CACNA1A: variants seen among roughly 807,000 people sequenced by gnomAD.
CACNA1A encodes the protein voltage-dependent P/Q-type calcium channel subunit alpha-1A.
In CACNA1A, 57 loss-of-function variants were observed where a neutral mutation model predicts 262.4. That is an observed-to-expected ratio of 0.22 (90% confidence interval 0.18 to 0.27). The LOEUF (loss-of-function observed/expected upper bound fraction) is 0.27, where lower values mean the gene tolerates loss of function less well. CACNA1A is among the 10% of genes least tolerant of loss of function. The probability of loss-of-function intolerance (pLI) is 1.00; values close to 1 mark genes in which losing one functional copy is unlikely to be tolerated. For missense variants in CACNA1A, 2,526 were observed against 3,562.8 expected (o/e 0.71, Z 7.41); for synonymous variants, 1,431 against 1,419.3 (o/e 1.01, Z -0.18).
chr19:13,360,263 G>GTATATATATATATATATA (rs1194785047), intron 5 of CACNA1A, among the ~76,000 whole-genome samples: 1 of 66,272 alleles, frequency 1.5e-5, no homozygotes, highest in Non-Finnish European at 2.5e-5. Context: ...GTGTGTGTGT[G>GTATATATATATATATATA]TGTATATATA....
chr19:13,217,068 G>A (rs1433732558), intron 38 of CACNA1A, among the ~76,000 whole-genome samples: 1 of 152,174 alleles, frequency 6.6e-6, no homozygotes, highest in Non-Finnish European at 1.5e-5. Context: ...GGGAGGTGGA[G>A]GCTGCAGTGG....
rs16031 is a variant in CACNA1A at position 13,262,663 on chromosome 19, A to G, written c.4089+71T>C. The G allele has an allele frequency of 0.57, 514,969 of 902,198 alleles. 153,607 individuals are homozygous for G. The highest frequency in any genetic ancestry group is 0.64 in the Non-Finnish European group (352,668 of 550,256). 55.9% of individuals were successfully genotyped at this position (902,198 alleles called of 1,614,324 possible). ...TTAATGTGTTGTCCTTGAGCAGTGT[A>G]CAACCTGCTCAGCTGTACATGATAA... is the stretch of plus-strand genomic sequence containing the variant. On this transcript the variant is annotated intron_variant, in intron 25 of 46. Transcript: ENST00000360228.
At chr19:13,413,895 A>AAAAGAAAGAAAT (rs1555783334) in intron 3 of CACNA1A, among the ~76,000 whole-genome samples, 8 of 119,138 alleles carry the variant, frequency 6.7e-5, no homozygotes, top group Non-Finnish European at 1.3e-4. Flanking sequence ...GAAAGAAAGA[A>AAAAGAAAGAAAT]AAAGAAAGAA....
rs2057235540 is a variant in CACNA1A at position 13,279,561 on chromosome 19, C to T, written c.3823-2433G>A. 5.9e-5 allele frequency among the ~76,000 whole-genome samples: 9 copies of T among 152,132 alleles called. No homozygotes were observed. The South Asian group carries it at 1.7e-3, about 28-fold the overall frequency. ...AGTGCAGTGGCACAATCTTGGCTCA[C>T]TGGAACCTCTGCCTCCCGGGTTCAA... On this transcript the variant is annotated intron_variant, in intron 22 of 46. Coordinates refer to ENST00000360228, the MANE Select transcript of CACNA1A (RefSeq NM_001127222.2).
intron 3 of CACNA1A, among the ~76,000 whole-genome samples, chr19:13,380,789 ATTTT>A (rs983599371): frequency 7.8e-6 from 1 of 127,566 alleles, no homozygotes; most frequent in African/African-American, 3.0e-5. Flanking sequence ...TTATTTATTT[ATTTT>A]GAGACAGGGT....
At chr19:13,401,452 G>A (rs1309295203) in intron 3 of CACNA1A, among the ~76,000 whole-genome samples, 1 of 152,206 alleles carries the variant, frequency 6.6e-6, no homozygotes, top group Non-Finnish European at 1.5e-5. Context: ...TGAGGCATGA[G>A]TGGGAGGTAG....
At chr19:13,358,276 A>G (rs2059042184) in intron 6 of CACNA1A, among the ~76,000 whole-genome samples, 1 of 151,870 alleles carries the variant, frequency 6.6e-6, no homozygotes, top group African/African-American at 2.4e-5. Context: ...GTGCAAAAGA[A>G]TAAAGAAGGC....
At chr19:13,296,448 C>T (rs1246167649) in intron 19 of CACNA1A, among the ~76,000 whole-genome samples, 1 of 152,216 alleles carries the variant, frequency 6.6e-6, no homozygotes, top group East Asian at 1.9e-4. Context: ...TGCAGAATCA[C>T]TATAGCATCT....
At chr19:13,280,101 T>C (rs771647503) in intron 22 of CACNA1A, among the ~76,000 whole-genome samples, 1 of 152,150 alleles carries the variant, frequency 6.6e-6, no homozygotes, top group Non-Finnish European at 1.5e-5. Context: ...CCAATAAACA[T>C]TCAAGCTGCA....
intron 2 of CACNA1A, among the ~76,000 whole-genome samples, chr19:13,453,578 G>A (rs2060954438): frequency 6.6e-6 from 1 of 152,208 alleles, no homozygotes; most frequent in African/African-American, 2.4e-5. Flanking sequence ...CAGCTGGCAT[G>A]TAGATTGTTA....
intron 3 of CACNA1A, among the ~76,000 whole-genome samples, chr19:13,414,419 A>G (rs993778698): frequency 3.9e-5 from 6 of 152,146 alleles, no homozygotes; most frequent in African/African-American, 1.4e-4. Context: ...GCAGGCAGAT[A>G]GCAGCGAAGG....
chr19:13,320,958 T>G (rs916285857), intron 10 of CACNA1A, among the ~76,000 whole-genome samples: 1 of 152,152 alleles, frequency 6.6e-6, no homozygotes, highest in Non-Finnish European at 1.5e-5. Flanking sequence ...ACATCCTAGT[T>G]CAGGGTCAGC....
chr19:13,351,788 G>A (rs1353875175), intron 6 of CACNA1A, among the ~76,000 whole-genome samples: 5 of 152,014 alleles, frequency 3.3e-5, no homozygotes, highest in South Asian at 2.1e-4. Context: ...GATTACAGGC[G>A]TGAGCCACCG....
chr19:13,295,242 T>C (rs1476154989), intron 19 of CACNA1A, among the ~76,000 whole-genome samples: 1 of 152,184 alleles, frequency 6.6e-6, no homozygotes, highest in Non-Finnish European at 1.5e-5. Flanking sequence ...CCTAGAACAA[T>C]GGTTTTCAGA....
intron 3 of CACNA1A, among the ~76,000 whole-genome samples, chr19:13,435,136 T>G (rs965024092): frequency 6.8e-6 from 1 of 146,818 alleles, no homozygotes; most frequent in Non-Finnish European, 1.5e-5. Context: ...TTTTTTGAGA[T>G]GGAGTCTCAC....
In CACNA1A at chr19:13,325,365, C is replaced by T. The variant is rs958653231; in HGVS notation, c.1345+4879G>A. Among the ~76,000 whole-genome samples the T allele has an allele frequency of 1.3e-5, 2 of 152,064 alleles. 1 individual carries two copies. Among genetic ancestry groups the T allele is most frequent in the Admixed American group, 1.3e-4 (2 of 15,252 alleles). On this transcript the variant is annotated intron_variant, in intron 10 of 46. Coordinates refer to ENST00000360228, the MANE Select transcript of CACNA1A (RefSeq NM_001127222.2). Reference sequence around the variant, plus strand: ...TATTAGCTGGGCACTGTGGCATGCGCCTGTAGCCTCAAATGATCCTCTCAC... The same window carrying T: ...TATTAGCTGGGCACTGTGGCATGCGTCTGTAGCCTCAAATGATCCTCTCAC...
intron 1 of CACNA1A, among the ~76,000 whole-genome samples, chr19:13,461,366 AAAACAAAAC>A (rs1333551532): frequency 6.6e-6 from 1 of 151,984 alleles, no homozygotes; most frequent in African/African-American, 2.4e-5. Flanking sequence ...AAAACAAAAC[AAAACAAAAC>A]AAAACAAAAA....
chr19:13,458,111 G>A (rs1048400020), intron 1 of CACNA1A, among the ~76,000 whole-genome samples: 31 of 152,078 alleles, frequency 2.0e-4, no homozygotes, highest in African/African-American at 7.2e-4. Flanking sequence ...CATTGTGAGT[G>A]TACTAAACGC....
At chr19:13,333,758 C>T (rs2058509616) in intron 8 of CACNA1A, 1 of 152,352 alleles carries the variant, frequency 6.6e-6, no homozygotes, top group Non-Finnish European at 1.5e-5. Flanking sequence ...GTTTTATCTT[C>T]CTAGTCTGTT....
Sources: allele counts gnomAD v4.1 joint callset (sites outside exome capture counted in the v4.1 genomes callset), GRCh38; gene constraint gnomAD v4.1.1; transcripts MANE v1.5; gene names NCBI Gene and HGNC (gene_info 2026-07-23, HGNC 2026-07-21).